Variants in EDIL3 observed in about 807,000 individuals in gnomAD.
The protein encoded by EDIL3 is EGF-like repeat and discoidin I-like domain-containing protein 3.
EDIL3 carries 37 observed loss-of-function variants against 67.4 expected under a neutral mutation model. The ratio of observed to expected loss-of-function variants is 0.55; its 90% CI spans 0.42 to 0.72. The LOEUF (loss-of-function observed/expected upper bound fraction) is 0.72, where lower values mean the gene tolerates loss of function less well. EDIL3 is among the 30% of genes least tolerant of loss of function. The probability of loss-of-function intolerance (pLI) is 0.00; values close to 1 mark genes in which losing one functional copy is unlikely to be tolerated. For synonymous variants in EDIL3, 195 were observed against 196.3 expected (o/e 0.99, Z 0.05); for missense variants, 527 against 586.3 (o/e 0.90, Z 1.04).
intron 1 of EDIL3, among the ~76,000 whole-genome samples, chr5:84,363,816 C>CAACT (rs1457886399): frequency 2.0e-5 from 3 of 151,924 alleles, no homozygotes; most frequent in Admixed American, 1.3e-4. Context: ...TTCTAGATCT[C>CAACT]AACTGGAGAT....
At chr5:84,288,984 G>A (rs957174809) in intron 1 of EDIL3, among the ~76,000 whole-genome samples, 15 of 152,028 alleles carry the variant, frequency 9.9e-5, no homozygotes, top group Non-Finnish European at 1.5e-4. Context: ...TGAAAGCAAC[G>A]TATAGTGTGG....
At chr5:84,146,788 T>C (rs1020116995) in intron 4 of EDIL3, among the ~76,000 whole-genome samples, 9 of 152,156 alleles carry the variant, frequency 5.9e-5, no homozygotes, top group Admixed American at 6.6e-5. Context: ...ATTTCCTTTT[T>C]AGAGGGCATT....
intron 9 of EDIL3, among the ~76,000 whole-genome samples, chr5:84,042,551 G>A (rs942072467): frequency 6.6e-6 from 1 of 152,052 alleles, no homozygotes; most frequent in Admixed American, 6.6e-5. Context: ...CAAAGTGTTC[G>A]GATTACAGGC....
Position 84,384,833 on chromosome 5 carries a change from G to C in EDIL3, c.-459C>G, listed in dbSNP as rs1748200362. ...TGAAGCGTGAGCTGGAGGGGAGCGA[G>C]CGGGCCGCCGGGAGCGCACTGTGTA... is the stretch of plus-strand genomic sequence containing the variant. On this transcript the variant is annotated 5_prime_UTR_variant, in exon 1 of 11. Transcript: ENST00000296591. 6.6e-6 allele frequency: 1 copy of C among 152,252 alleles called. No homozygotes were observed. The highest frequency in any genetic ancestry group is 6.5e-5 in the Admixed American group (1 of 15,290). The allele number at this position is 152,252 out of a possible 1,614,324, so 9.4% of individuals were successfully genotyped here. A position where few individuals can be genotyped will look rare whatever the true frequency, so the allele number is the denominator to read the frequency against.
rs142052562 is a variant in EDIL3 at position 84,068,502 on chromosome 5, A to T, written c.652-1896T>A. On this transcript the variant is annotated intron_variant, in intron 6 of 10. Coordinates refer to ENST00000296591, the MANE Select transcript of EDIL3 (RefSeq NM_005711.5). ...CTAAAGCTTTAATTGTAGATGCATA[A>T]TAGTTTGTATTTTTCTCTAAATCAT... Among the ~76,000 whole-genome samples the T allele has an allele frequency of 5.8e-3, 880 of 152,244 alleles. 12 individuals carry two copies. The highest frequency in any genetic ancestry group is 0.02 in the African/African-American group (847 of 41,564).
chr5:84,143,459 T>C (rs164437), intron 4 of EDIL3, among the ~76,000 whole-genome samples: 61,456 of 151,878 alleles, frequency 0.4, 13,062 homozygotes, highest in East Asian at 0.78. Flanking sequence ...CTCCATCTAA[T>C]AAAGATCATA....
intron 6 of EDIL3, among the ~76,000 whole-genome samples, chr5:84,073,470 CCTT>C (rs199679067): frequency 0.056 from 8,497 of 152,140 alleles, 507 homozygotes; most frequent in East Asian, 0.32. Context: ...CCCAAAATCT[CCTT>C]AAGCTGATAA....
chr5:84,209,302 C>T lies in EDIL3; in HGVS notation c.226+20553G>A, dbSNP rs143243383. On this transcript the variant is annotated intron_variant, in intron 3 of 10. Transcript: ENST00000296591. ...ATGACGAGTTAATGGGTGCAGCACA[C>T]CAGCATGGCACATGTATACATATGT... is the stretch of plus-strand genomic sequence containing the variant. Among the ~76,000 whole-genome samples the T allele has an allele frequency of 7.7e-3, 1,170 of 152,000 alleles. 11 individuals carry two copies. Among genetic ancestry groups the T allele is most frequent in the Non-Finnish European group, 0.012 (818 of 67,982 alleles).
intron 3 of EDIL3, among the ~76,000 whole-genome samples, chr5:84,205,781 C>T (rs1743962666): frequency 6.6e-6 from 1 of 152,044 alleles, no homozygotes; most frequent in Non-Finnish European, 1.5e-5. Flanking sequence ...TTTTTTATTG[C>T]GTCAATTTGA....
intron 7 of EDIL3, 65 bp from the exon 8 acceptor site, chr5:84,064,909 C>T (rs1271717961): frequency 4.1e-6 from 6 of 1,454,152 alleles, no homozygotes; most frequent in African/African-American, 1.4e-5. Flanking sequence ...ACATATTTAC[C>T]CTATCTATAC....
chr5:84,142,008 C>A (rs1352166862), intron 4 of EDIL3, among the ~76,000 whole-genome samples: 2 of 88,762 alleles, frequency 2.3e-5, no homozygotes, highest in East Asian at 7.7e-4. Context: ...TCATATTGAG[C>A]ACTCCTCCCT....
intron 3 of EDIL3, among the ~76,000 whole-genome samples, chr5:84,225,655 T>A (rs951874311): frequency 4.0e-5 from 6 of 151,628 alleles, no homozygotes; most frequent in Non-Finnish European, 8.9e-5. Context: ...TCATTCTATA[T>A]GTTATTGAAG....
intron 5 of EDIL3, among the ~76,000 whole-genome samples, chr5:84,135,091 G>A (rs761811686): frequency 1.3e-5 from 2 of 152,056 alleles, no homozygotes; most frequent in South Asian, 2.1e-4. Context: ...CTATCCACTC[G>A]ACCTGTTTCC....
At chr5:84,130,479 CTT>C (rs890785115) in intron 5 of EDIL3, among the ~76,000 whole-genome samples, 2 of 152,112 alleles carry the variant, frequency 1.3e-5, no homozygotes, top group African/African-American at 4.8e-5. Context: ...CAACATCAGA[CTT>C]AGGCAGTTTT....
intron 5 of EDIL3, among the ~76,000 whole-genome samples, chr5:84,132,365 T>A (rs1235516279): frequency 1.3e-5 from 1 of 79,704 alleles, no homozygotes; most frequent in African/African-American, 5.5e-5. Flanking sequence ...TAATATATAT[T>A]ATATATATTA....
chr5:84,173,672 C>T (rs1748852113), intron 4 of EDIL3, among the ~76,000 whole-genome samples: 1 of 152,136 alleles, frequency 6.6e-6, no homozygotes, highest in African/African-American at 2.4e-5. Flanking sequence ...GGCAAAATGG[C>T]ATCCATCACA....
intron 1 of EDIL3, among the ~76,000 whole-genome samples, chr5:84,265,474 A>G (rs1745327722): frequency 1.3e-5 from 2 of 152,218 alleles, no homozygotes; most frequent in South Asian, 4.1e-4. Flanking sequence ...TTAACTTTGG[A>G]AAAGAAATCA....
At chr5:84,246,731 T>C (rs981607681) in intron 2 of EDIL3, among the ~76,000 whole-genome samples, 2 of 152,202 alleles carry the variant, frequency 1.3e-5, no homozygotes, top group Admixed American at 6.6e-5. Context: ...GGTTCTTTGA[T>C]GTTATACATT....
Position 84,247,228 on chromosome 5 carries a change from C to A in EDIL3, c.196+6856G>T, listed in dbSNP as rs73142636. On this transcript the variant is annotated intron_variant, in intron 2 of 10. Coordinates refer to ENST00000296591, the MANE Select transcript of EDIL3 (RefSeq NM_005711.5). ...TAGAGGGGAAAATAAACCACCCCGA[C>A]AACTACTCACAATTTCATCTACTAT... 4.6e-3 allele frequency among the ~76,000 whole-genome samples: 699 copies of A among 152,200 alleles called. 4 individuals carry two copies. The highest frequency in any genetic ancestry group is 0.016 in the African/African-American group (673 of 41,542).
Sources: gnomAD v4.1 joint callset for allele counts (sites outside exome capture counted in the v4.1 genomes callset) on GRCh38, gnomAD v4.1.1 for gene constraint, MANE v1.5 for transcripts, NCBI Gene and HGNC (gene_info 2026-07-23, HGNC 2026-07-21) for gene names.